The following CAMKMT variants were observed in gnomAD, a reference collection of about 807,000 sequenced individuals.
CAMKMT encodes calmodulin-lysine N-methyltransferase.
A neutral mutation model predicts 48.0 loss-of-function variants in CAMKMT; 53 were observed. The observed-to-expected ratio is 1.10, with a 90% CI of 0.89 to 1.39. The LOEUF (loss-of-function observed/expected upper bound fraction) is 1.39, where lower values mean the gene tolerates loss of function less well. CAMKMT is among the 40% of genes most tolerant of loss of function. The probability of loss-of-function intolerance (pLI) is 0.00; values close to 1 mark genes in which losing one functional copy is unlikely to be tolerated. For synonymous variants in CAMKMT, 165 were observed against 152.3 expected (o/e 1.08, Z -0.61); for missense variants, 428 against 402.7 (o/e 1.06, Z -0.54).
chr2:44,638,539 G>A (rs1437747), intron 3 of CAMKMT, among the ~76,000 whole-genome samples: 71,600 of 152,126 alleles, frequency 0.47, 17,464 homozygotes, highest in Middle Eastern at 0.57. Context: ...TGTTTCTTCT[G>A]TAATACTTCC....
At chr2:44,365,519 G>A (rs559976632) in intron 1 of CAMKMT, among the ~76,000 whole-genome samples, 1 of 152,190 alleles carries the variant, frequency 6.6e-6, no homozygotes, top group Non-Finnish European at 1.5e-5. Flanking sequence ...TGTTGACGAA[G>A]ATGGCCACTG....
At chr2:44,578,971 T>G (rs771241657) in intron 3 of CAMKMT, among the ~76,000 whole-genome samples, 16 of 152,226 alleles carry the variant, frequency 1.1e-4, no homozygotes, top group Non-Finnish European at 1.9e-4. Flanking sequence ...TCTCAAAGTT[T>G]ACGCAGTGGT....
At chr2:44,689,178 C>T (rs1676494264) in intron 3 of CAMKMT, among the ~76,000 whole-genome samples, 1 of 152,300 alleles carries the variant, frequency 6.6e-6, no homozygotes, top group Middle Eastern at 3.4e-3. Context: ...GGAACAATAA[C>T]AATTATTCCT....
chr2:44,600,246 A>T (rs1038538330), intron 3 of CAMKMT, among the ~76,000 whole-genome samples: 1 of 151,780 alleles, frequency 6.6e-6, no homozygotes, highest in African/African-American at 2.4e-5. Context: ...TACCACCACT[A>T]TCATGAGACC....
At chr2:44,521,393 C>G (rs1671101522) in intron 3 of CAMKMT, among the ~76,000 whole-genome samples, 1 of 152,094 alleles carries the variant, frequency 6.6e-6, no homozygotes, top group African/African-American at 2.4e-5. Flanking sequence ...ATTCCTGTGC[C>G]TCAGCTTCCC....
chr2:44,522,241 G>A (rs974286513), intron 3 of CAMKMT, among the ~76,000 whole-genome samples: 9 of 151,936 alleles, frequency 5.9e-5, no homozygotes, highest in African/African-American at 7.3e-5. Context: ...TCCTGACCTC[G>A]TGATATGCTC....
chr2:44,653,422 G>C lies in CAMKMT; in HGVS notation c.377-50861G>C, dbSNP rs545894159. ...AGAGAATCGCAGACTTTTAGAATTG[G>C]AAGGAACATTAGATATAGTTTTATC... On this transcript the variant is annotated intron_variant, in intron 3 of 10. Transcript: ENST00000378494. The surrounding 1 kb of genome is among the most constrained non-coding windows in gnomAD (Gnocchi z 5.2). 5.9e-5 allele frequency among the ~76,000 whole-genome samples: 9 copies of C among 152,322 alleles called. No homozygotes were observed. The highest frequency in any genetic ancestry group is 1.2e-4 in the Non-Finnish European group (8 of 68,026).
chr2:44,447,378 A>G (rs972126804), intron 3 of CAMKMT, among the ~76,000 whole-genome samples: 3 of 152,312 alleles, frequency 2.0e-5, no homozygotes, highest in African/African-American at 7.2e-5. Context: ...CCCCTCCTCC[A>G]AATATTCATA....
intron 7 of CAMKMT, among the ~76,000 whole-genome samples, chr2:44,732,726 T>A (rs1679145367): frequency 6.6e-6 from 1 of 152,246 alleles, no homozygotes; most frequent in South Asian, 2.1e-4. Context: ...TCTGGTGAAG[T>A]GTCTGTTCAA....
intron 3 of CAMKMT, among the ~76,000 whole-genome samples, chr2:44,593,922 C>G (rs1346284645): frequency 6.6e-6 from 1 of 152,000 alleles, no homozygotes; most frequent in Non-Finnish European, 1.5e-5. Flanking sequence ...TACCACCACG[C>G]CTGGCTAATT....
At chr2:44,405,173 T>C (rs1558584278) in intron 3 of CAMKMT, among the ~76,000 whole-genome samples, 1 of 152,106 alleles carries the variant, frequency 6.6e-6, no homozygotes, top group Non-Finnish European at 1.5e-5. Context: ...TTTTCATTTC[T>C]TTTGACCCAA....
chr2:44,629,188 T>G (rs373692535), intron 3 of CAMKMT, among the ~76,000 whole-genome samples: 2 of 152,170 alleles, frequency 1.3e-5, no homozygotes, highest in Middle Eastern at 3.2e-3. Context: ...CTTCATGTAT[T>G]TTGAAGCTCA....
intron 3 of CAMKMT, among the ~76,000 whole-genome samples, chr2:44,624,058 G>A (rs1301491056): frequency 6.6e-6 from 1 of 151,994 alleles, no homozygotes; most frequent in Non-Finnish European, 1.5e-5. Flanking sequence ...CCCAACTGTT[G>A]ATAAAACAAA....
chr2:44,548,573 A>G (rs1247880764), intron 3 of CAMKMT, among the ~76,000 whole-genome samples: 1 of 152,198 alleles, frequency 6.6e-6, no homozygotes, highest in Non-Finnish European at 1.5e-5. Flanking sequence ...AAGGTCCCAA[A>G]TCAGTTGACC....
At chr2:44,599,170 C>T (rs184976814) in intron 3 of CAMKMT, among the ~76,000 whole-genome samples, 2 of 152,184 alleles carry the variant, frequency 1.3e-5, no homozygotes, top group Non-Finnish European at 2.9e-5. Context: ...ATGTGAATTG[C>T]CTAGGTATGA....
chr2:44,579,228 T>G (rs1669406481), intron 3 of CAMKMT, among the ~76,000 whole-genome samples: 1 of 96,056 alleles, frequency 1.0e-5, no homozygotes, highest in African/African-American at 3.6e-5. Context: ...ATAATAATGT[T>G]CTATTTTTTT....
At chr2:44,436,512 T>C (rs1213169134) in intron 3 of CAMKMT, among the ~76,000 whole-genome samples, 1 of 152,128 alleles carries the variant, frequency 6.6e-6, no homozygotes, top group African/African-American at 2.4e-5. Flanking sequence ...AAAGGTCAGA[T>C]AGTAAATATT....
At chr2:44,547,408 T>C (rs1667466775) in intron 3 of CAMKMT, among the ~76,000 whole-genome samples, 1 of 152,176 alleles carries the variant, frequency 6.6e-6, no homozygotes, top group Non-Finnish European at 1.5e-5. Flanking sequence ...CCTGTGGGGC[T>C]ACTCCGAAGG....
At chr2:44,468,291 A>G (rs1015654787) in intron 3 of CAMKMT, among the ~76,000 whole-genome samples, 2 of 152,252 alleles carry the variant, frequency 1.3e-5, no homozygotes, top group Admixed American at 6.5e-5. Context: ...AATCAAAACC[A>G]TGATGATATA....
Sources: allele counts gnomAD v4.1 joint callset (sites outside exome capture counted in the v4.1 genomes callset), GRCh38; gene constraint gnomAD v4.1.1; non-coding constraint Gnocchi (gnomAD v3.1); transcripts MANE v1.5; gene names NCBI Gene and HGNC (gene_info 2026-07-23, HGNC 2026-07-21).